The following ADAMTS6 variants were observed in gnomAD, a reference collection of about 807,000 sequenced individuals.
ADAMTS6 encodes the protein ADAM metallopeptidase with thrombospondin type 1 motif 6, also known as A disintegrin and metalloproteinase with thrombospondin motifs 6.
ADAMTS6 carries 23 observed loss-of-function variants against 144.3 expected under a neutral mutation model. That is an observed-to-expected ratio of 0.16 (90% CI 0.11 to 0.23). The LOEUF is 0.23. ADAMTS6 is among the 10% of genes least tolerant of loss of function. The probability of loss-of-function intolerance (pLI) is 1.00; values close to 1 mark genes in which losing one functional copy is unlikely to be tolerated. For synonymous variants in ADAMTS6, 444 were observed against 457.5 expected (o/e 0.97, Z 0.38); for missense variants, 999 against 1,379.6 (o/e 0.72, Z 4.37).
At chr5:65,285,447 T>A (rs1025702383) in intron 11 of ADAMTS6, among the ~76,000 whole-genome samples, 1 of 152,130 alleles carries the variant, frequency 6.6e-6, no homozygotes, top group Admixed American at 6.6e-5. Flanking sequence ...AACTAGTCAC[T>A]ACACAAATAG....
At chr5:65,333,262 T>C (rs894933509) in intron 8 of ADAMTS6, among the ~76,000 whole-genome samples, 2 of 152,098 alleles carry the variant, frequency 1.3e-5, no homozygotes, top group Non-Finnish European at 2.9e-5. Context: ...AAAATAACTT[T>C]AGTTGCTTAA....
intron 24 of ADAMTS6, among the ~76,000 whole-genome samples, chr5:65,154,202 C>T (rs774385049): frequency 1.3e-5 from 2 of 152,058 alleles, no homozygotes; most frequent in African/African-American, 2.4e-5. Context: ...AGCTAGACTC[C>T]GTCTCAAAAA....
chr5:65,306,385 GC>G (rs1208668553), intron 9 of ADAMTS6, among the ~76,000 whole-genome samples: 2 of 152,124 alleles, frequency 1.3e-5, no homozygotes, highest in Non-Finnish European at 2.9e-5. Context: ...CTGAATACTG[GC>G]ATGGCTGTCT....
chr5:65,456,528 T>C (rs927828744), intron 4 of ADAMTS6, among the ~76,000 whole-genome samples: 4 of 152,198 alleles, frequency 2.6e-5, no homozygotes, highest in Admixed American at 1.3e-4. Flanking sequence ...GTTGGCCATA[T>C]ATTTATTTGT....
chr5:65,148,965 A>G lies in ADAMTS6; in HGVS notation c.*2871T>C, dbSNP rs1269830297. 1.3e-5 allele frequency: 2 copies of G among 152,686 alleles called. No homozygotes were observed. Among genetic ancestry groups the G allele is most frequent in the Non-Finnish European group, 2.9e-5 (2 of 68,052 alleles). 9.5% of individuals were successfully genotyped at this position (152,686 alleles called of 1,614,324 possible). ...ACCACATTATTACTGAGTATAAAATAATAAGCAACAACTAATCACAATAAT... is the reference window on the plus strand; with the variant it reads ...ACCACATTATTACTGAGTATAAAATGATAAGCAACAACTAATCACAATAAT... On this transcript the variant is annotated 3_prime_UTR_variant, in exon 25 of 25. Transcript: ENST00000381055.
intron 15 of ADAMTS6, among the ~76,000 whole-genome samples, chr5:65,241,674 G>C (rs975936734): frequency 8.6e-5 from 13 of 151,970 alleles, no homozygotes; most frequent in African/African-American, 9.7e-5. Context: ...CAATAATCTT[G>C]GCCTTTGACT....
chr5:65,440,003 T>C (rs1214313800), intron 7 of ADAMTS6, among the ~76,000 whole-genome samples: 1 of 152,078 alleles, frequency 6.6e-6, no homozygotes, highest in Non-Finnish European at 1.5e-5. Flanking sequence ...AGATGGGGTT[T>C]TGCCATGTTA....
In ADAMTS6 at chr5:65,407,143, A is replaced by G. The variant is rs560260046; in HGVS notation, c.1073+44332T>C. Among the ~76,000 whole-genome samples the G allele has an allele frequency of 2.4e-3, 363 of 152,276 alleles. 10 individuals carry two copies. The South Asian group carries it at 0.066, about 28-fold the overall frequency. ...TCAGGAAATACAGAGAATGCCACAA[A>G]GATACTCCTTAAGAAGAGCAACTCC... On this transcript the variant is annotated intron_variant, in intron 7 of 24. Coordinates refer to ENST00000381055, the MANE Select transcript of ADAMTS6 (RefSeq NM_197941.4).
At chr5:65,210,409 C>T (rs1237462873) in intron 20 of ADAMTS6, 1 of 181,398 alleles carries the variant, frequency 5.5e-6, no homozygotes, top group Non-Finnish European at 1.1e-5. Context: ...CGAGATCGCG[C>T]CACTGCACTC....
At chr5:65,319,740 GGAAGGAA>G in intron 9 of ADAMTS6, among the ~76,000 whole-genome samples, 1 of 31,800 alleles carries the variant, frequency 3.1e-5, no homozygotes, top group Non-Finnish European at 5.8e-5. Context: ...AGGGAGGGAG[GGAAGGAA>G]GGAAGGAAGG....
At chr5:65,292,939 T>C (rs182023606) in intron 10 of ADAMTS6, among the ~76,000 whole-genome samples, 5 of 152,262 alleles carry the variant, frequency 3.3e-5, no homozygotes, top group Admixed American at 2.0e-4. Flanking sequence ...ATTATACTTT[T>C]AGAAATTGAC....
intron 7 of ADAMTS6, among the ~76,000 whole-genome samples, chr5:65,444,274 C>A (rs183250809): frequency 2.0e-5 from 3 of 152,108 alleles, no homozygotes; most frequent in Non-Finnish European, 1.5e-5. Flanking sequence ...CACCTGTAAT[C>A]CCAGCTATTT....
At chr5:65,194,744 T>A (rs1646973073) in intron 21 of ADAMTS6, among the ~76,000 whole-genome samples, 1 of 152,218 alleles carries the variant, frequency 6.6e-6, no homozygotes. Context: ...TTTCTATTTT[T>A]CCCATATTCT....
intron 3 of ADAMTS6, among the ~76,000 whole-genome samples, chr5:65,463,007 G>A (rs1255104574): frequency 1.3e-5 from 2 of 151,920 alleles, no homozygotes; most frequent in Non-Finnish European, 2.9e-5. Flanking sequence ...TCGAACCTGG[G>A]AGGCGGAGGT....
At chr5:65,439,032 G>T (rs1757667022) in intron 7 of ADAMTS6, among the ~76,000 whole-genome samples, 1 of 152,146 alleles carries the variant, frequency 6.6e-6, no homozygotes, top group Non-Finnish European at 1.5e-5. Context: ...GCAGTCTTCT[G>T]ATTTGAGGAA....
At chr5:65,231,461 T>G (rs954881628) in intron 15 of ADAMTS6, among the ~76,000 whole-genome samples, 3 of 152,122 alleles carry the variant, frequency 2.0e-5, no homozygotes, top group Middle Eastern at 3.2e-3. Context: ...CTTTCAACAA[T>G]GGATAGATCA....
intron 3 of ADAMTS6, among the ~76,000 whole-genome samples, chr5:65,465,211 A>G (rs1040926990): frequency 3.3e-5 from 5 of 152,256 alleles, no homozygotes; most frequent in East Asian, 1.9e-4. Flanking sequence ...ATGTTTTCTC[A>G]TCTCTACTTA....
chr5:65,260,412 T>A (rs1561343545), intron 14 of ADAMTS6, among the ~76,000 whole-genome samples, 188 bp downstream of exon 14: 1 of 151,958 alleles, frequency 6.6e-6, no homozygotes, highest in Non-Finnish European at 1.5e-5. Context: ...GTACTGGAGC[T>A]CCCCCTTGAC....
intron 11 of ADAMTS6, among the ~76,000 whole-genome samples, chr5:65,288,945 C>T (rs1410951051): frequency 6.6e-6 from 1 of 152,132 alleles, no homozygotes; most frequent in Admixed American, 6.6e-5. Flanking sequence ...CAGATATAAA[C>T]CAGCGTAGAT....
Sources: allele counts gnomAD v4.1 joint callset (sites outside exome capture counted in the v4.1 genomes callset), GRCh38; gene constraint gnomAD v4.1.1; transcripts MANE v1.5; gene names NCBI Gene and HGNC (gene_info 2026-07-23, HGNC 2026-07-21).